LARGE1: variants seen among roughly 807,000 people sequenced by gnomAD.
The protein encoded by LARGE1 is LARGE xylosyl- and glucuronyltransferase 1.
A neutral mutation model predicts 87.6 loss-of-function variants in LARGE1; 43 were observed. The observed-to-expected ratio is 0.49, with a 90% confidence interval of 0.38 to 0.63. LARGE1 has a LOEUF of 0.63. LARGE1 is among the 30% of genes least tolerant of loss of function. The pLI is 0.00. For missense variants in LARGE1, 802 were observed against 1,000.2 expected, an observed-to-expected ratio of 0.80 and a Z score of 2.67; for synonymous variants, 434 against 394.6, an observed-to-expected ratio of 1.10 and a Z score of -1.18.
chr22:33,621,416 A>G (rs1602758764), intron 4 of LARGE1, among the ~76,000 whole-genome samples: 1 of 147,362 alleles, frequency 6.8e-6, no homozygotes, highest in East Asian at 2.0e-4. Flanking sequence ...ATCTTTTGAA[A>G]TATGTCATCA....
intron 6 of LARGE1, among the ~76,000 whole-genome samples, chr22:33,510,843 G>A (rs1415350300): frequency 1.3e-5 from 2 of 152,094 alleles, no homozygotes; most frequent in Admixed American, 1.3e-4. Context: ...CACCTTGGCC[G>A]CCCAAAGTGC....
At chr22:33,312,052 G>A (rs1468304129) in intron 11 of LARGE1, among the ~76,000 whole-genome samples, 1 of 152,128 alleles carries the variant, frequency 6.6e-6, no homozygotes. Context: ...CATTCTGGGA[G>A]CCTCTGAATG....
chr22:33,516,075 T>A (rs2071290101), intron 6 of LARGE1, among the ~76,000 whole-genome samples: 1 of 152,182 alleles, frequency 6.6e-6, no homozygotes, highest in Non-Finnish European at 1.5e-5. Context: ...GCTGAGAGTT[T>A]GTTGCAGAGG....
chr22:33,151,083 C>T, the LARGE1 span, among the ~76,000 whole-genome samples: 2 of 152,166 alleles, frequency 1.3e-5, no homozygotes, highest in African/African-American at 2.4e-5. Context: ...ACATTAGGCA[C>T]AGTATGCTTC....
At chr22:33,881,481 T>G (rs1459688229) in intron 1 of LARGE1, among the ~76,000 whole-genome samples, 1 of 152,238 alleles carries the variant, frequency 6.6e-6, no homozygotes, top group Non-Finnish European at 1.5e-5. Flanking sequence ...ATTGGGTTTA[T>G]CAAATGTGGG....
intron 1 of LARGE1, among the ~76,000 whole-genome samples, chr22:33,811,426 G>A (rs1054197147): frequency 1.3e-5 from 2 of 152,132 alleles, no homozygotes; most frequent in African/African-American, 4.8e-5. Context: ...CTCTGGAGAA[G>A]TATGCCAATC....
At chr22:33,812,786 T>C (rs1223750808) in intron 1 of LARGE1, among the ~76,000 whole-genome samples, 1 of 152,190 alleles carries the variant, frequency 6.6e-6, no homozygotes, top group Non-Finnish European at 1.5e-5. Flanking sequence ...TATTTGCTCA[T>C]TCAACACACA....
At chr22:33,788,173 G>A (rs183410423) in intron 1 of LARGE1, among the ~76,000 whole-genome samples, 4 of 152,248 alleles carry the variant, frequency 2.6e-5, no homozygotes, top group South Asian at 2.1e-4. Context: ...TCATGGGGTC[G>A]GTTTTCCCCA....
intron 5 of LARGE1, among the ~76,000 whole-genome samples, chr22:33,597,086 C>T (rs556887618): frequency 1.3e-5 from 2 of 152,242 alleles, no homozygotes; most frequent in Admixed American, 1.3e-4. Context: ...ACTGGAGCTG[C>T]TCCAGCCTTA....
At chr22:33,222,413 A>G (rs992838760) in intron 11 of LARGE1, among the ~76,000 whole-genome samples, 4 of 152,200 alleles carry the variant, frequency 2.6e-5, no homozygotes, top group Admixed American at 6.5e-5. Flanking sequence ...CAGCATGTTG[A>G]ATGGTGCCCC....
At chr22:33,178,010 G>A (rs567791475) in intron 11 of LARGE1, among the ~76,000 whole-genome samples, 18 of 152,168 alleles carry the variant, frequency 1.2e-4, no homozygotes, top group Admixed American at 6.6e-4. Flanking sequence ...TTCACTTTCC[G>A]CCATGATTGC....
intron 6 of LARGE1, among the ~76,000 whole-genome samples, chr22:33,470,124 T>C (rs1193708384): frequency 6.6e-6 from 1 of 151,902 alleles, no homozygotes; most frequent in Non-Finnish European, 1.5e-5. Flanking sequence ...TCTCCTGACC[T>C]TGTGATCCAC....
At chr22:33,604,031 C>T (rs933647742) in intron 5 of LARGE1, among the ~76,000 whole-genome samples, 16 of 152,178 alleles carry the variant, frequency 1.1e-4, no homozygotes, top group African/African-American at 3.9e-4. Context: ...AGCAGAGATG[C>T]GTGGTTTACT....
chr22:33,367,990 T>G (rs1398565724), intron 9 of LARGE1, among the ~76,000 whole-genome samples: 3 of 152,202 alleles, frequency 2.0e-5, no homozygotes, highest in African/African-American at 7.2e-5. Context: ...AACCTTATTG[T>G]TACTGCCTTC....
intron 10 of LARGE1, among the ~76,000 whole-genome samples, chr22:33,328,628 TA>T (rs914823310): frequency 2.7e-4 from 40 of 150,166 alleles, no homozygotes; most frequent in African/African-American, 8.5e-4. Flanking sequence ...AAATAAATAA[TA>T]AAAAAGGAGA....
chr22:33,759,656 C>A (rs753681092), intron 2 of LARGE1, among the ~76,000 whole-genome samples: 1 of 152,112 alleles, frequency 6.6e-6, no homozygotes, highest in Non-Finnish European at 1.5e-5. Context: ...CCTTGTTATA[C>A]CATTATTATT....
At chr22:33,092,187 C>G in the LARGE1 span, among the ~76,000 whole-genome samples, 2 of 152,066 alleles carry the variant, frequency 1.3e-5, no homozygotes, top group Non-Finnish European at 2.9e-5. Flanking sequence ...CGTGAGCCAC[C>G]GTGCATGGCC....
chr22:33,881,113 C>T (rs900858118), intron 1 of LARGE1, among the ~76,000 whole-genome samples: 4 of 151,968 alleles, frequency 2.6e-5, no homozygotes, highest in African/African-American at 9.7e-5. Context: ...CAAAACGCGA[C>T]GACATTCTCT....
chr22:33,296,020 A>C (rs530734959), intron 12 of LARGE1, among the ~76,000 whole-genome samples: 3 of 152,234 alleles, frequency 2.0e-5, no homozygotes, highest in Non-Finnish European at 4.4e-5. Context: ...TGAGCACTTG[A>C]CCATGTGCGA....
Sources: gnomAD v4.1 joint callset for allele counts (sites outside exome capture counted in the v4.1 genomes callset) on GRCh38, gnomAD v4.1.1 for gene constraint, MANE v1.5 for transcripts, NCBI Gene and HGNC (gene_info 2026-07-23, HGNC 2026-07-21) for gene names.